SLCO1B1: variants seen among roughly 807,000 people sequenced by gnomAD.
SLCO1B1 encodes OATP-2.
Under a neutral mutation model 70.1 loss-of-function variants are expected in SLCO1B1, and 81 were observed. The ratio of observed to expected loss-of-function variants is 1.16; its 90% CI spans 0.97 to 1.39. The LOEUF is 1.39. SLCO1B1 is among the 40% of genes most tolerant of loss of function. The probability of loss-of-function intolerance (pLI) is 0.00; values close to 1 mark genes in which losing one functional copy is unlikely to be tolerated. For synonymous variants in SLCO1B1, 283 were observed against 271.5 expected, an observed-to-expected ratio of 1.04 and a Z score of -0.42; for missense variants, 895 against 799.6, an observed-to-expected ratio of 1.12 and a Z score of -1.44.
At position 21,200,581 on chromosome 12, in the gene SLCO1B1, A is replaced by G. The variant is rs745965205; in HGVS notation, c.1044A>G (p.Gln348=). Residue 348 remains glutamine (Q), a synonymous_variant, in exon 9 of 15, where the codon CAA becomes CAG. Transcript: ENST00000256958. ...TGTTTGTGCTTTTGACGTTGTTACA[A>G]GTAAGCAGCTATATTGGTGCTTTTA... The part of the protein sequence containing the change: ...YVMFVLLTLL[Q]VSSYIGAFTY... 1 of 1,611,032 alleles carries G rather than the reference A, an allele frequency of 6.2e-7. No homozygotes were observed. The highest frequency in any genetic ancestry group is 1.1e-5 in the South Asian group (1 of 90,800).
intron 14 of SLCO1B1, among the ~76,000 whole-genome samples, chr12:21,238,502 AT>A (rs1166491180): frequency 6.6e-6 from 1 of 151,572 alleles, no homozygotes; most frequent in African/African-American, 2.4e-5. Flanking sequence ...ATGACTGGCA[AT>A]TTTTTTCATT....
intron 7 of SLCO1B1, among the ~76,000 whole-genome samples, chr12:21,180,998 G>A (rs529417701): frequency 2.9e-4 from 44 of 152,246 alleles, no homozygotes; most frequent in African/African-American, 1.0e-3. Flanking sequence ...ATGCCTAAAG[G>A]AGCTGAAGAC....
chr12:21,166,148 C>T (rs967418192), intron 2 of SLCO1B1, among the ~76,000 whole-genome samples: 2 of 151,488 alleles, frequency 1.3e-5, no homozygotes, highest in African/African-American at 2.4e-5. Flanking sequence ...AAAAAGTGGC[C>T]GAGAACGTCC....
intron 12 of SLCO1B1, among the ~76,000 whole-genome samples, chr12:21,221,275 T>C (rs10841760): frequency 0.34 from 51,633 of 151,924 alleles, 9,097 homozygotes; most frequent in East Asian, 0.45. Context: ...CTATTTTCAC[T>C]ACTCTTACTG....
chr12:21,177,591 G>A (rs891561572), intron 5 of SLCO1B1, among the ~76,000 whole-genome samples: 29 of 152,034 alleles, frequency 1.9e-4, no homozygotes, highest in African/African-American at 5.8e-4. Context: ...AAGTGTATAC[G>A]TTTGTAAATC....
chr12:21,187,665 A>AG (rs1940978740), intron 7 of SLCO1B1, among the ~76,000 whole-genome samples: 1 of 135,872 alleles, frequency 7.4e-6, no homozygotes, highest in African/African-American at 2.7e-5. Context: ...CTATTGTTAT[A>AG]GGGAAAAAAA....
intron 9 of SLCO1B1, among the ~76,000 whole-genome samples, chr12:21,202,001 CAT>C (rs1941164028): frequency 6.6e-6 from 1 of 152,212 alleles, no homozygotes; most frequent in African/African-American, 2.4e-5. Context: ...AAATGTGGCA[CAT>C]GTGTACCATG....
intron 11 of SLCO1B1, among the ~76,000 whole-genome samples, chr12:21,209,661 T>A (rs545304546): frequency 6.6e-6 from 1 of 151,736 alleles, no homozygotes; most frequent in South Asian, 2.1e-4. Context: ...TTAAACTAGT[T>A]TACAGTCCCA....
At chr12:21,148,194 C>T (rs569646266) in intron 2 of SLCO1B1, among the ~76,000 whole-genome samples, 1 of 152,288 alleles carries the variant, frequency 6.6e-6, no homozygotes, top group Admixed American at 6.5e-5. Context: ...TTTTGCTATG[C>T]AGGAGCTTTT....
intron 2 of SLCO1B1, among the ~76,000 whole-genome samples, chr12:21,156,315 G>T (rs911515920): frequency 3.9e-5 from 6 of 152,014 alleles, no homozygotes; most frequent in African/African-American, 1.4e-4. Context: ...ACTAAACAAA[G>T]AATTTATGAC....
At chr12:21,133,815 A>C (rs1388144491) in intron 1 of SLCO1B1, among the ~76,000 whole-genome samples, 1 of 152,060 alleles carries the variant, frequency 6.6e-6, no homozygotes, top group Non-Finnish European at 1.5e-5. Flanking sequence ...CTAATTGAAT[A>C]CCCTTTATTT....
rs1941505293 is a variant in SLCO1B1 at position 21,228,880 on chromosome 12, T to C, written c.1865+4041T>C. Among the ~76,000 whole-genome samples the C allele has an allele frequency of 4.6e-5, 7 of 152,088 alleles. No individual in the cohort carries two copies. In the South Asian group the frequency reaches 1.4e-3, roughly 32 times the overall value. On this transcript the variant is annotated intron_variant, in intron 14 of 14. Transcript: ENST00000256958. ...CTTTTCTTTCATAAAGTTCACACCA[T>C]TCCAACCAGCTGGAAATGACCAACC... is the stretch of plus-strand genomic sequence containing the variant.
chr12:21,230,150 G>A (rs1451750264), intron 14 of SLCO1B1, among the ~76,000 whole-genome samples: 3 of 152,032 alleles, frequency 2.0e-5, no homozygotes, highest in African/African-American at 7.2e-5. Flanking sequence ...TCTTTAGCCT[G>A]TTAATGTAAT....
At chr12:21,184,223 T>A (rs1940937455) in intron 7 of SLCO1B1, among the ~76,000 whole-genome samples, 1 of 152,184 alleles carries the variant, frequency 6.6e-6, no homozygotes, top group Non-Finnish European at 1.5e-5. Flanking sequence ...CTAGAGAGAT[T>A]GATATGCAAA....
chr12:21,176,463 A>C (rs1361254371), intron 4 of SLCO1B1, among the ~76,000 whole-genome samples: 1 of 152,088 alleles, frequency 6.6e-6, no homozygotes, highest in Non-Finnish European at 1.5e-5. Flanking sequence ...ACACACAATT[A>C]ATAATTACTT....
chr12:21,154,726 A>T (rs1258765162), intron 2 of SLCO1B1, among the ~76,000 whole-genome samples: 1 of 152,008 alleles, frequency 6.6e-6, no homozygotes, highest in East Asian at 1.9e-4. Flanking sequence ...TACAAATCTC[A>T]TGCAACACCT....
Position 21,194,792 on chromosome 12 carries a change from G to A in SLCO1B1, c.728-2154G>A, listed in dbSNP as rs184872245. Among the ~76,000 whole-genome samples the A allele has an allele frequency of 6.6e-5, 10 of 152,332 alleles. No homozygotes were observed. The East Asian group carries it at 1.9e-3, about 29-fold the overall frequency. On this transcript the variant is annotated intron_variant, in intron 7 of 14. Coordinates refer to ENST00000256958, the MANE Select transcript of SLCO1B1 (RefSeq NM_006446.5). ...TGCATGAGACTGGCTAATTTATCAA[G>A]TAAAGAGGTTTAATTGGCTTATGAT...
intron 12 of SLCO1B1, among the ~76,000 whole-genome samples, chr12:21,221,604 C>A (rs59575682): frequency 4.0e-5 from 6 of 151,660 alleles, no homozygotes; most frequent in African/African-American, 1.2e-4. Flanking sequence ...GTAAATGATA[C>A]GACCAGCATG....
chr12:21,228,400 A>G (rs1369216551), intron 14 of SLCO1B1, among the ~76,000 whole-genome samples: 1 of 152,146 alleles, frequency 6.6e-6, no homozygotes, highest in Non-Finnish European at 1.5e-5. Context: ...TTTACTCTTG[A>G]TAAGTAAGCT....
Sources: gnomAD v4.1 joint callset for allele counts (sites outside exome capture counted in the v4.1 genomes callset) on GRCh38, gnomAD v4.1.1 for gene constraint, MANE v1.5 for transcripts, NCBI Gene and HGNC (gene_info 2026-07-23, HGNC 2026-07-21) for gene names.